The following GHR variants were observed in gnomAD, a reference collection of about 807,000 sequenced individuals.
The protein encoded by GHR is growth hormone receptor.
In GHR, 35 loss-of-function variants were observed where a neutral mutation model predicts 67.1. That is an observed-to-expected ratio of 0.52 (90% CI 0.40 to 0.69). The LOEUF (loss-of-function observed/expected upper bound fraction) is 0.69. Ranked by LOEUF, GHR falls within the 30% of genes least tolerant of loss-of-function variation. The pLI, the probability that GHR is intolerant of heterozygous loss-of-function variation, is 0.00. For missense variants in GHR, 792 were observed against 764.6 expected (o/e 1.04, Z -0.42); for synonymous variants, 272 against 269.1 (o/e 1.01, Z -0.10).
At chr5:42,620,116 A>G (rs537566005) in intron 2 of GHR, among the ~76,000 whole-genome samples, 11 of 152,258 alleles carry the variant, frequency 7.2e-5, no homozygotes, top group Non-Finnish European at 1.3e-4. Flanking sequence ...TAGATGTCAT[A>G]AATCTAGTTA....
chr5:42,470,966 T>C (rs557428157), intron 1 of GHR, among the ~76,000 whole-genome samples: 13 of 152,280 alleles, frequency 8.5e-5, no homozygotes, highest in African/African-American at 3.1e-4. Flanking sequence ...TGAAAAAAAT[T>C]TTCATTATAC....
intron 2 of GHR, among the ~76,000 whole-genome samples, chr5:42,598,386 C>T (rs537224366): frequency 6.6e-6 from 1 of 152,208 alleles, no homozygotes; most frequent in African/African-American, 2.4e-5. Flanking sequence ...GGGAAAACAC[C>T]TCTGGGCAAT....
intron 1 of GHR, among the ~76,000 whole-genome samples, chr5:42,551,583 G>A (rs1442850956): frequency 6.6e-6 from 1 of 152,166 alleles, no homozygotes; most frequent in East Asian, 1.9e-4. Context: ...AATGTGAGAA[G>A]GGATGGAGTA....
intron 2 of GHR, among the ~76,000 whole-genome samples, chr5:42,599,410 C>T (rs1006301275): frequency 7.0e-5 from 10 of 143,112 alleles, no homozygotes; most frequent in African/African-American, 1.6e-4. Context: ...TCACCCAGGC[C>T]GGAGTGCAGT....
At chr5:42,711,031 C>T (rs1457274626) in intron 6 of GHR, among the ~76,000 whole-genome samples, 176 bp from the exon 7 acceptor site, 1 of 152,162 alleles carries the variant, frequency 6.6e-6, no homozygotes, top group African/African-American at 2.4e-5. Flanking sequence ...TATCCATTTA[C>T]AAAATGATTA....
At chr5:42,586,240 ACTC>A (rs1751468816) in intron 2 of GHR, among the ~76,000 whole-genome samples, 1 of 151,830 alleles carries the variant, frequency 6.6e-6, no homozygotes, top group African/African-American at 2.4e-5. Context: ...TCTATCCCTG[ACTC>A]CTATTTTTCT....
intron 2 of GHR, among the ~76,000 whole-genome samples, chr5:42,594,739 T>G (rs1751977306): frequency 1.3e-5 from 2 of 152,250 alleles, no homozygotes; most frequent in Admixed American, 6.5e-5. Context: ...CTTTATATAT[T>G]CTTACAAATT....
rs367819946 is a variant in GHR, at chr5:42,551,082, G to A, written c.-11-14782G>A. Among the ~76,000 whole-genome samples the A allele has an allele frequency of 4.9e-4, 75 of 152,258 alleles. 1 individual carries two copies. In the South Asian group the frequency reaches 5.2e-3, roughly 11 times the overall value. ...TCCACTGACAGATCCCCTCCCGCACGCATACATGTCACATGTTTCTGCTCA... is the reference window on the plus strand; with the variant it reads ...TCCACTGACAGATCCCCTCCCGCACACATACATGTCACATGTTTCTGCTCA... On this transcript the variant is annotated intron_variant, in intron 1 of 9. Transcript: ENST00000230882.
intron 2 of GHR, among the ~76,000 whole-genome samples, chr5:42,580,273 G>T (rs560549483): frequency 2.0e-5 from 3 of 152,028 alleles, no homozygotes; most frequent in Non-Finnish European, 4.4e-5. Flanking sequence ...ACTATTTTCG[G>T]TGCTTGCAAT....
chr5:42,557,551 T>C (rs763274826), intron 1 of GHR, among the ~76,000 whole-genome samples: 1 of 152,212 alleles, frequency 6.6e-6, no homozygotes, highest in Non-Finnish European at 1.5e-5. Context: ...CATCTAATCC[T>C]GATTTTTTTA....
intron 1 of GHR, chr5:42,548,045 T>G (rs1165252987): frequency 9.2e-6 from 9 of 980,842 alleles, no homozygotes; most frequent in Non-Finnish European, 1.1e-5. Context: ...CGCTTAGCCC[T>G]CTTCTCAGCT....
intron 1 of GHR, among the ~76,000 whole-genome samples, chr5:42,520,978 C>T (rs946143598): frequency 4.6e-5 from 7 of 152,170 alleles, no homozygotes; most frequent in Admixed American, 3.9e-4. Flanking sequence ...CTGATTGTGT[C>T]CTTTTCACTG....
Position 42,718,475 on chromosome 5 carries a change from A to G in GHR, c.968A>G (p.Asn323Ser), listed in dbSNP as rs61758977. The change falls in exon 10 of 10, where the codon AAC (asparagine) becomes AGC (serine). Residue 323 changes from asparagine (N) to serine (S), a missense_variant. Asn to Ser is a conservative substitution (Grantham distance 46, BLOSUM62 1). Coordinates refer to ENST00000230882, the MANE Select transcript of GHR (RefSeq NM_000163.5). ...TAGGAAGGAAAATTAGAGGAGGTGAACACAATCTTAGCCATTCATGATAGC... is the reference window on the plus strand; with the variant it reads ...TAGGAAGGAAAATTAGAGGAGGTGAGCACAATCTTAGCCATTCATGATAGC... ...LLKEGKLEEV[N>S]TILAIHDSYK... 453 of 1,611,156 alleles carry G rather than the reference A, an allele frequency of 2.8e-4. 1 individual carries two copies. In the African/African-American group the frequency reaches 5.5e-3, roughly 19 times the overall value.
intron 1 of GHR, among the ~76,000 whole-genome samples, chr5:42,509,604 T>G (rs1746925061): frequency 6.6e-6 from 1 of 152,206 alleles, no homozygotes; most frequent in African/African-American, 2.4e-5. Context: ...TCTTGCATAT[T>G]CAAGGACATT....
intron 3 of GHR, among the ~76,000 whole-genome samples, chr5:42,632,216 C>G (rs979057528): frequency 1.3e-5 from 2 of 152,182 alleles, no homozygotes; most frequent in African/African-American, 4.8e-5. Flanking sequence ...TGTATTTTCC[C>G]TCCTCTGGTA....
Position 42,718,874 on chromosome 5 carries a change from C to T in GHR, c.1367C>T (p.Pro456Leu), listed in dbSNP as rs763515830. 1 of 1,614,086 alleles carries T rather than the reference C, an allele frequency of 6.2e-7. No homozygotes were observed. The highest frequency in any genetic ancestry group is 8.5e-7 in the Non-Finnish European group (1 of 1,179,988). The change falls in exon 10 of 10, where the codon CCA becomes CTA. Residue 456 changes from proline to leucine, a missense_variant. By Grantham distance (98) the Pro-to-Leu change is moderately conservative. Coordinates refer to ENST00000230882, the MANE Select transcript of GHR (RefSeq NM_000163.5). ...PSVIQAEKNK[P>L]QPLPTEGAES... is the part of the protein sequence containing the mutation. The stretch of plus-strand genomic sequence containing the variant: ...GTTATCCAAGCAGAGAAAAACAAAC[C>T]ACAACCACTTCCTACTGAAGGAGCT...
intron 1 of GHR, among the ~76,000 whole-genome samples, chr5:42,449,787 C>T (rs1371596590): frequency 1.3e-5 from 2 of 152,070 alleles, no homozygotes; most frequent in Non-Finnish European, 2.9e-5. Context: ...GTTTTTATTA[C>T]TTTGAGTTAT....
At chr5:42,597,175 A>G (rs1023219255) in intron 2 of GHR, among the ~76,000 whole-genome samples, 1 of 152,146 alleles carries the variant, frequency 6.6e-6, no homozygotes, top group South Asian at 2.1e-4. Context: ...TTAAGTTACC[A>G]ATGTGATTGA....
At chr5:42,682,494 T>G (rs1756935824) in intron 3 of GHR, among the ~76,000 whole-genome samples, 1 of 152,160 alleles carries the variant, frequency 6.6e-6, no homozygotes, top group African/African-American at 2.4e-5. Context: ...ATTTTAAGAT[T>G]ATGGTAGTTC....
Sources: gnomAD v4.1 joint callset for allele counts (sites outside exome capture counted in the v4.1 genomes callset) on GRCh38, gnomAD v4.1.1 for gene constraint, MANE v1.5 for transcripts, NCBI Gene and HGNC (gene_info 2026-07-23, HGNC 2026-07-21) for gene names.